Variants in NALCN observed in about 807,000 individuals in gnomAD.
The protein encoded by NALCN is sodium leak channel NALCN.
A neutral mutation model predicts 225.3 loss-of-function variants in NALCN; 111 were observed. The observed-to-expected ratio is 0.49, with a 90% CI of 0.42 to 0.58. The LOEUF (loss-of-function observed/expected upper bound fraction) is 0.58, where lower values mean the gene tolerates loss of function less well. NALCN is among the 20% of genes least tolerant of loss of function. The pLI, the probability that NALCN is intolerant of heterozygous loss-of-function variation, is 0.00. For missense variants in NALCN, 1,378 were observed against 2,202.4 expected, an observed-to-expected ratio of 0.63 and a Z score of 7.49; for synonymous variants, 764 against 769.0, an observed-to-expected ratio of 0.99 and a Z score of 0.11.
intron 12 of NALCN, among the ~76,000 whole-genome samples, chr13:101,230,804 C>T (rs1420552687): frequency 2.0e-5 from 3 of 151,528 alleles, no homozygotes; most frequent in Non-Finnish European, 4.4e-5. Flanking sequence ...GTTATATGTA[C>T]TCAACTATTC....
Position 101,098,857 on chromosome 13 carries a change from C to A in NALCN, c.3162+1927G>T, listed in dbSNP as rs996482622. On this transcript the variant is annotated intron_variant, in intron 27 of 43. Coordinates refer to ENST00000251127, the MANE Select transcript of NALCN (RefSeq NM_052867.4). ...CCGTCTCACCGTGCCAATTTCTTTT[C>A]AATCGTTCTGCTTGGTGCTGGTGCT... 1.3e-5 allele frequency among the ~76,000 whole-genome samples: 2 copies of A among 150,806 alleles called. 1 individual carries two copies. Among genetic ancestry groups the A allele is most frequent in the Non-Finnish European group, 3.0e-5 (2 of 67,784 alleles).
At chr13:101,369,226 T>C (rs1350481294) in intron 6 of NALCN, among the ~76,000 whole-genome samples, 1 of 146,360 alleles carries the variant, frequency 6.8e-6, no homozygotes, top group Non-Finnish European at 1.5e-5. Flanking sequence ...TTTACACATA[T>C]GGGAAAGAGA....
chr13:101,226,146 C>T (rs907894734), intron 13 of NALCN, among the ~76,000 whole-genome samples: 5 of 152,032 alleles, frequency 3.3e-5, no homozygotes, highest in East Asian at 1.9e-4. Context: ...CCAAATCAAG[C>T]ACCCAAACAT....
intron 3 of NALCN, among the ~76,000 whole-genome samples, chr13:101,394,861 G>A (rs540548699): frequency 6.6e-6 from 1 of 152,278 alleles, no homozygotes; most frequent in African/African-American, 2.4e-5. Context: ...CTCTGGGCCA[G>A]CCCCTGTGCT....
At chr13:101,190,296 C>T (rs1226120129) in intron 14 of NALCN, among the ~76,000 whole-genome samples, 2 of 152,106 alleles carry the variant, frequency 1.3e-5, no homozygotes, top group Non-Finnish European at 2.9e-5. Context: ...TGCATTTAAC[C>T]CACAATCAAC....
At chr13:101,231,196 A>G (rs2041332762) in intron 12 of NALCN, among the ~76,000 whole-genome samples, 1 of 146,658 alleles carries the variant, frequency 6.8e-6, no homozygotes. Context: ...GACTGTGTAT[A>G]CACACACACA....
intron 14 of NALCN, among the ~76,000 whole-genome samples, chr13:101,187,236 A>T (rs2039487413): frequency 6.6e-6 from 1 of 152,208 alleles, no homozygotes; most frequent in Non-Finnish European, 1.5e-5. Flanking sequence ...TTGATTTCTT[A>T]CTATGCCTCA....
chr13:101,074,684 CG>C, intron 35 of NALCN, 22 bp from the exon 36 acceptor site: 1 of 1,561,548 alleles, frequency 6.4e-7, no homozygotes, highest in African/African-American at 1.4e-5. Flanking sequence ...GGGTGGGAAG[CG>C]GGGAGACAGA....
In NALCN at chr13:101,131,669, T is replaced by C. The variant is rs181590895; in HGVS notation, c.2119-6988A>G. Among the ~76,000 whole-genome samples the C allele has an allele frequency of 3.1e-3, 476 of 152,296 alleles. 15 individuals are homozygous for C. The highest frequency in any genetic ancestry group is 0.029 in the Admixed American group (440 of 15,290). ...CCATGAACATTGGACGCTCTGTAAC[T>C]AAGCTTGGTTTCCTCCCACAGACAC... On this transcript the variant is annotated intron_variant, in intron 17 of 43. Transcript: ENST00000251127.
chr13:101,103,356 G>C lies in NALCN; in HGVS notation c.2890-17C>G. 2.5e-6 allele frequency: 4 copies of C among 1,595,504 alleles called. No individual in the cohort carries two copies. The highest frequency in any genetic ancestry group is 2.6e-6 in the Non-Finnish European group (3 of 1,173,120). On this transcript the variant is annotated splice_polypyrimidine_tract_variant and intron_variant, in intron 25 of 43. Transcript: ENST00000251127. ...CAAGCTCACCTAAAGGGGAACAAAT[G>C]ATCTCTGGAATTTATACAATTCATC...
chr13:101,222,913 T>A (rs1294240298), intron 13 of NALCN, among the ~76,000 whole-genome samples: 1 of 152,150 alleles, frequency 6.6e-6, no homozygotes, highest in East Asian at 1.9e-4. Context: ...AAAAGCCACA[T>A]TTCTTTAGGG....
At chr13:101,404,430 GA>G (rs1427358530) in intron 1 of NALCN, among the ~76,000 whole-genome samples, 1 of 152,082 alleles carries the variant, frequency 6.6e-6, no homozygotes, top group Non-Finnish European at 1.5e-5. Context: ...AGAAAAATTA[GA>G]AAAACTATAT....
intron 10 of NALCN, 72 bp from the exon 11 acceptor site, chr13:101,258,646 T>A: frequency 6.3e-7 from 1 of 1,594,152 alleles, no homozygotes; most frequent in Non-Finnish European, 8.5e-7. Context: ...GACTTAGTCC[T>A]TGGCTGACAG....
intron 25 of NALCN, 91 bp from the exon 26 acceptor site, chr13:101,103,430 T>A: frequency 7.0e-7 from 1 of 1,420,446 alleles, no homozygotes; most frequent in Non-Finnish European, 9.5e-7. Context: ...ACTTTTCATT[T>A]AGCAGAGATT....
At chr13:101,060,282 T>G (rs895459918) in intron 41 of NALCN, among the ~76,000 whole-genome samples, 5 of 138,216 alleles carry the variant, frequency 3.6e-5, no homozygotes, top group Admixed American at 1.4e-4. Flanking sequence ...TCTGTTTTTT[T>G]TTTTTTTTTT....
At chr13:101,287,775 T>C (rs931416995) in intron 9 of NALCN, among the ~76,000 whole-genome samples, 2 of 152,240 alleles carry the variant, frequency 1.3e-5, no homozygotes, top group African/African-American at 2.4e-5. Context: ...GTTTTATAAC[T>C]GGTCGGTTGG....
intron 13 of NALCN, among the ~76,000 whole-genome samples, chr13:101,220,671 C>A (rs1442789640): frequency 6.6e-6 from 1 of 152,138 alleles, no homozygotes. Flanking sequence ...TCAAAATAAT[C>A]AGGCAAAATG....
At chr13:101,412,422 CT>C (rs777362599) in intron 1 of NALCN, among the ~76,000 whole-genome samples, 23 of 152,336 alleles carry the variant, frequency 1.5e-4, no homozygotes, top group Admixed American at 8.5e-4. Flanking sequence ...GTCTATCCTA[CT>C]TCTAATTCTT....
chr13:101,130,476 T>C (rs2036464942), intron 17 of NALCN, among the ~76,000 whole-genome samples: 3 of 152,200 alleles, frequency 2.0e-5, no homozygotes, highest in Admixed American at 2.0e-4. Flanking sequence ...CCTTTTGGAG[T>C]TCATTTAGGT....
Sources: gnomAD v4.1 joint callset for allele counts (sites outside exome capture counted in the v4.1 genomes callset) on GRCh38, gnomAD v4.1.1 for gene constraint, MANE v1.5 for transcripts, NCBI Gene and HGNC (gene_info 2026-07-23, HGNC 2026-07-21) for gene names.